Variants in BICC1 observed in about 807,000 individuals in gnomAD.
BICC1 encodes BicC family RNA binding protein 1.
Under a neutral mutation model 111.0 loss-of-function variants are expected in BICC1, and 43 were observed. The observed-to-expected ratio is 0.39, with a 90% CI of 0.30 to 0.50. BICC1 has a LOEUF of 0.50. Among genes scored for constraint, BICC1 ranks in the 20% least tolerant of loss-of-function variants. The pLI is 0.88. For synonymous variants in BICC1, 467 were observed against 434.4 expected (o/e 1.07, Z -0.93); for missense variants, 1,091 against 1,203.2 (o/e 0.91, Z 1.38).
At chr10:58,756,026 A>G (rs1467599928) in intron 3 of BICC1, among the ~76,000 whole-genome samples, 3 of 151,864 alleles carry the variant, frequency 2.0e-5, no homozygotes, top group Non-Finnish European at 1.5e-5. Flanking sequence ...TGTCCCTTAC[A>G]TTTCTTTATA....
At chr10:58,769,400 G>GTATATATATATATATATATATATATATA (rs1202556984) in intron 3 of BICC1, among the ~76,000 whole-genome samples, 1 of 106,598 alleles carries the variant, frequency 9.4e-6, no homozygotes, top group Non-Finnish European at 2.1e-5. Context: ...GTGTGTGTGT[G>GTATATATATATATATATATATATATATA]TGTGTATATA....
chr10:58,579,343 A>G (rs1301194842), intron 1 of BICC1, among the ~76,000 whole-genome samples: 1 of 152,234 alleles, frequency 6.6e-6, no homozygotes, highest in East Asian at 1.9e-4. Context: ...AAGTAAAATT[A>G]AATATAAGTA....
intron 6 of BICC1, 91 bp downstream of exon 6, chr10:58,788,514 C>T (rs1843078748): frequency 1.1e-6 from 1 of 929,976 alleles, no homozygotes; most frequent in Non-Finnish European, 1.7e-6. Context: ...CATTTTATAA[C>T]CGAATCATGT....
chr10:58,764,629 C>CTTTTTTTTTTTTTTTTTT (rs11366847), intron 3 of BICC1, among the ~76,000 whole-genome samples: 3 of 117,584 alleles, frequency 2.6e-5, no homozygotes, highest in Non-Finnish European at 1.8e-5. Context: ...TAATTTCCTT[C>CTTTTTTTTTTTTTTTTTT]TTTTTTTTTT....
At chr10:58,716,359 C>T (rs1356362853) in intron 3 of BICC1, 1 of 1,286,276 alleles carries the variant, frequency 7.8e-7, no homozygotes, top group Non-Finnish European at 1.0e-6. Flanking sequence ...GTGAAAACTA[C>T]AACATATTTA....
intron 2 of BICC1, among the ~76,000 whole-genome samples, chr10:58,635,738 A>G (rs1055815392): frequency 6.6e-6 from 1 of 152,130 alleles, no homozygotes; most frequent in African/African-American, 2.4e-5. Flanking sequence ...CCTCAACTCA[A>G]GCCTTTCTCT....
chr10:58,754,922 A>G (rs561504301), intron 3 of BICC1, among the ~76,000 whole-genome samples: 1 of 152,296 alleles, frequency 6.6e-6, no homozygotes, highest in East Asian at 1.9e-4. Context: ...TTATAGATCA[A>G]GATTGCGAGT....
At position 58,522,974 on chromosome 10, in the gene BICC1, G is replaced by A. The variant is rs185372132; in HGVS notation, c.190+9641G>A. Among the ~76,000 whole-genome samples, 344 of 152,178 alleles carry A rather than the reference G, an allele frequency of 2.3e-3. 3 individuals carry two copies. The highest frequency in any genetic ancestry group is 7.6e-3 in the African/African-American group (317 of 41,526). On this transcript the variant is annotated intron_variant, in intron 1 of 20. Transcript: ENST00000373886. ...TCTAGAAGAAATGGATTAATTCCTC[G>A]ACATATACACCCTCCCAAGACTAAA... is the stretch of plus-strand genomic sequence containing the variant.
chr10:58,628,961 GC>G (rs1258995678), intron 2 of BICC1, among the ~76,000 whole-genome samples: 1 of 152,198 alleles, frequency 6.6e-6, no homozygotes, highest in African/African-American at 2.4e-5. Context: ...CTGACATGTA[GC>G]TTGGAGACAA....
chr10:58,817,465 A>C, intron 18 of BICC1, 97 bp from the exon 19 acceptor site: 1 of 1,342,038 alleles, frequency 7.5e-7, no homozygotes, highest in Non-Finnish European at 1.1e-6. Flanking sequence ...TCAGCTGAAC[A>C]ATGGAAGTTG....
chr10:58,808,129 A>G (rs2132910259), intron 17 of BICC1, among the ~76,000 whole-genome samples: 1 of 151,482 alleles, frequency 6.6e-6, no homozygotes, highest in Admixed American at 6.6e-5. Flanking sequence ...CTATTGAAAT[A>G]CTAAAAGAGT....
intron 8 of BICC1, among the ~76,000 whole-genome samples, chr10:58,791,434 ATTC>A (rs1843172922): frequency 6.6e-6 from 1 of 152,182 alleles, no homozygotes; most frequent in African/African-American, 2.4e-5. Flanking sequence ...GTATAGCACT[ATTC>A]TTATAAAAAT....
intron 1 of BICC1, among the ~76,000 whole-genome samples, chr10:58,526,316 G>T (rs1466105188): frequency 6.6e-6 from 1 of 151,906 alleles, no homozygotes; most frequent in Non-Finnish European, 1.5e-5. Flanking sequence ...CTAGACTTTT[G>T]TATGTTGTGG....
At chr10:58,584,561 T>C (rs2132021590) in intron 1 of BICC1, among the ~76,000 whole-genome samples, 1 of 152,312 alleles carries the variant, frequency 6.6e-6, no homozygotes. Flanking sequence ...ACATAATTTG[T>C]TTTTGTGATT....
At position 58,806,628 on chromosome 10, in the gene BICC1, G is replaced by C. The variant is rs779464028; in HGVS notation, c.2221+5G>C. The C allele has an allele frequency of 6.2e-7, 1 of 1,605,798 alleles. No individual in the cohort carries two copies. The highest frequency in any genetic ancestry group is 8.5e-7 in the Non-Finnish European group (1 of 1,172,916). ...AGAAGCTATTAGCCACCAAAGGTAT[G>C]TAATACACTAATAACTTACACTTGA... On this transcript the variant is annotated splice_donor_5th_base_variant and intron_variant, in intron 16 of 20. Coordinates refer to ENST00000373886, the MANE Select transcript of BICC1 (RefSeq NM_001080512.3).
At chr10:58,560,996 G>A (rs1461834383) in intron 1 of BICC1, among the ~76,000 whole-genome samples, 2 of 151,986 alleles carry the variant, frequency 1.3e-5, no homozygotes, top group Admixed American at 6.6e-5. Context: ...ATAAGAATGT[G>A]TATACAGTAG....
chr10:58,576,254 TG>T (rs1190982254), intron 1 of BICC1, among the ~76,000 whole-genome samples: 13 of 152,184 alleles, frequency 8.5e-5, no homozygotes, highest in Admixed American at 7.9e-4. Flanking sequence ...TGATACTTTT[TG>T]TATGGCGTAC....
intron 2 of BICC1, among the ~76,000 whole-genome samples, chr10:58,661,198 A>G (rs1336255731): frequency 3.1e-5 from 4 of 128,086 alleles, no homozygotes; most frequent in East Asian, 2.4e-4. Context: ...AAGGGCTCGC[A>G]TATCGAGCTT....
At chr10:58,692,258 G>A (rs913367188) in intron 2 of BICC1, among the ~76,000 whole-genome samples, 2 of 152,112 alleles carry the variant, frequency 1.3e-5, no homozygotes, top group African/African-American at 4.8e-5. Context: ...TTTGAACTAG[G>A]TTTTCATTGA....
Sources: gnomAD v4.1 joint callset for allele counts (sites outside exome capture counted in the v4.1 genomes callset) on GRCh38, gnomAD v4.1.1 for gene constraint, MANE v1.5 for transcripts, NCBI Gene and HGNC (gene_info 2026-07-23, HGNC 2026-07-21) for gene names.